OGDHL: variants seen among roughly 807,000 people sequenced by gnomAD.
OGDHL encodes the protein 2-oxoglutarate dehydrogenase-like, mitochondrial.
In OGDHL, 79 loss-of-function variants were observed where a neutral mutation model predicts 109.6. That is an observed-to-expected ratio of 0.72 (90% CI 0.60 to 0.87). The LOEUF (loss-of-function observed/expected upper bound fraction) is 0.87. Ranked by LOEUF, OGDHL falls within the 40% of genes least tolerant of loss-of-function variation. OGDHL has a pLI of 0.00. For synonymous variants in OGDHL, 528 were observed against 537.2 expected, an observed-to-expected ratio of 0.98 and a Z score of 0.24; for missense variants, 1,275 against 1,362.2, an observed-to-expected ratio of 0.94 and a Z score of 1.01.
intron 5 of OGDHL, 35 bp downstream of exon 5, chr10:49,752,098 C>T (rs1171375403): frequency 6.2e-7 from 1 of 1,610,464 alleles, no homozygotes; most frequent in Non-Finnish European, 8.5e-7. Flanking sequence ...CAAAGAGCTG[C>T]TTCAGCTGCA....
In OGDHL at chr10:49,750,987, T is replaced by C. The variant is rs1181109638; in HGVS notation, c.750-2A>G. On this transcript the variant is annotated splice_acceptor_variant, in intron 6 of 22. Coordinates refer to ENST00000374103, the MANE Select transcript of OGDHL (RefSeq NM_018245.3). LOFTEE classifies it high-confidence loss of function. Reference sequence around the variant, plus strand: ...TTCCGGGCCAGGAAGTCTTCAAACCTGCTTGGGGAGAGGATGGGAAGAGGA... The same window carrying C: ...TTCCGGGCCAGGAAGTCTTCAAACCCGCTTGGGGAGAGGATGGGAAGAGGA... 6.3e-7 allele frequency: 1 copy of C among 1,596,046 alleles called. No individual in the cohort carries two copies. The highest frequency in any genetic ancestry group is 8.6e-7 in the Non-Finnish European group (1 of 1,167,788).
chr10:49,754,961 C>T (rs902795284), intron 3 of OGDHL, among the ~76,000 whole-genome samples: 3 of 152,200 alleles, frequency 2.0e-5, no homozygotes, highest in Non-Finnish European at 4.4e-5. Context: ...AAAGAAAGCA[C>T]AGGCTGGGTG....
chr10:49,758,569 C>A lies in OGDHL; in HGVS notation c.24G>T (p.Pro8=). The A allele has an allele frequency of 1.2e-6, 2 of 1,613,830 alleles. No homozygotes were observed. The highest frequency in any genetic ancestry group is 2.2e-5 in the South Asian group (2 of 91,088). Residue 8 remains proline, a synonymous_variant, in exon 2 of 23, where the codon CCG becomes CCT. Transcript: ENST00000374103. ...TCGCAGCCTGTACCCCAAGACGGGA[C>A]GGCAGCAGCCTCAGCTGACTCATTC... MSQLRLL[P]SRLGVQAARL...
chr10:49,740,851 G>A lies in OGDHL; in HGVS notation c.2013-14C>T. ...TGGTGCCGGTGACTGCAGAGACACA[G>A]ACCGGGGCAGGGACAGAGGGCAGGT... On this transcript the variant is annotated splice_polypyrimidine_tract_variant and intron_variant, in intron 15 of 22. Transcript: ENST00000374103. 1 of 1,613,558 alleles carries A rather than the reference G, an allele frequency of 6.2e-7. No individual in the cohort carries two copies.
At chr10:49,753,261 AT>A (rs1255257331) in intron 3 of OGDHL, among the ~76,000 whole-genome samples, 1 of 152,214 alleles carries the variant, frequency 6.6e-6, no homozygotes, top group African/African-American at 2.4e-5. Context: ...AGAAGGGAAA[AT>A]CATAAAATTT....
chr10:49,743,894 G>T, intron 14 of OGDHL, 100 bp downstream of exon 14: 1 of 1,443,062 alleles, frequency 6.9e-7, no homozygotes, highest in Non-Finnish European at 9.4e-7. Context: ...GAGCAGGAAT[G>T]CGACACACCA....
At chr10:49,743,707 G>A in intron 14 of OGDHL, 1 of 279,624 alleles carries the variant, frequency 3.6e-6, no homozygotes, top group Non-Finnish European at 6.8e-6. Flanking sequence ...GCCTGACCCA[G>A]GGACGCCCCG....
chr10:49,758,150 GC>G (rs1843027377), intron 2 of OGDHL, among the ~76,000 whole-genome samples: 1 of 152,354 alleles, frequency 6.6e-6, no homozygotes, highest in South Asian at 2.1e-4. Context: ...AGGGGGCACG[GC>G]AGGGCTCAGG....
Position 49,752,186 on chromosome 10 carries a change from T to A in OGDHL, c.541A>T (p.Ile181Phe), listed in dbSNP as rs201458076. The A allele has an allele frequency of 7.6e-5, 122 of 1,613,916 alleles. No individual in the cohort carries two copies. The highest frequency in any genetic ancestry group is 9.8e-5 in the Non-Finnish European group (116 of 1,180,016). The change falls in exon 5 of 23, where the codon ATT (isoleucine) becomes TTT (phenylalanine). Residue 181 changes from isoleucine to phenylalanine, a missense_variant. Physicochemically the swap from Ile to Phe is conservative, Grantham distance 21. Coordinates refer to ENST00000374103, the MANE Select transcript of OGDHL (RefSeq NM_018245.3). ...GAGAGGGTGTTTTCAGAGCCCCCAA[T>A]GAAGGTGGTTGTCGGCAGCTGGAAC... The part of the protein sequence containing the change: ...KEFQLPTTTF[I>F]GGSENTLSLR...
At chr10:49,741,492 G>T (rs1029567775) in intron 15 of OGDHL, among the ~76,000 whole-genome samples, 1 of 152,188 alleles carries the variant, frequency 6.6e-6, no homozygotes, top group East Asian at 1.9e-4. Flanking sequence ...TGCTAACCAG[G>T]AGCGGACTGA....
At position 49,746,865 on chromosome 10, in the gene OGDHL, A is replaced by G; in HGVS notation, c.1181T>C (p.Leu394Pro). Reference protein sequence around the residue: ...DAQGKKVMSILVHGDAAFAGQ... With the variant: ...DAQGKKVMSIPVHGDAAFAGQ... ...AGCAAAGGCGGCGTCCCCATGAACC[A>G]GGATGGACATGACCTGCAGGGCAGG... is the stretch of plus-strand genomic sequence containing the variant. The change falls in exon 10 of 23, where the codon CTG becomes CCG. Residue 394 changes from leucine (L) to proline (P), a missense_variant. Physicochemically the swap from Leu to Pro is moderately conservative, Grantham distance 98 (BLOSUM62 -3). Coordinates refer to ENST00000374103, the MANE Select transcript of OGDHL (RefSeq NM_018245.3). The G allele has an allele frequency of 6.2e-7, 1 of 1,614,180 alleles. No individual in the cohort carries two copies. The highest frequency in any genetic ancestry group is 1.1e-5 in the South Asian group (1 of 91,084).
intron 18 of OGDHL, 49 bp from the exon 19 acceptor site, chr10:49,738,121 C>T (rs1841352019): frequency 1.2e-6 from 2 of 1,613,970 alleles, no homozygotes; most frequent in Non-Finnish European, 1.7e-6. Context: ...GCTGCACCCA[C>T]ACCCTGGACC....
At chr10:49,753,888 TAAAA>T (rs63200161) in intron 3 of OGDHL, among the ~76,000 whole-genome samples, 1,763 of 87,258 alleles carry the variant, frequency 0.02, 35 homozygotes, top group African/African-American at 0.066. Flanking sequence ...AAACTCCATC[TAAAA>T]AAAAAAAAAA....
At position 49,736,548 on chromosome 10, in the gene OGDHL, G is replaced by A. The variant is rs1439705882; in HGVS notation, c.2591-28C>T. ...GAGGGACCAACAGGACATGGCAGAG[G>A]CGTTGGTACCCAGAGGGGCTGGGGC... On this transcript the variant is annotated intron_variant, in intron 20 of 22. Transcript: ENST00000374103. 2.5e-6 allele frequency: 4 copies of A among 1,607,232 alleles called. No homozygotes were observed. The African/African-American group carries it at 4.0e-5, about 16-fold the overall frequency.
At chr10:49,736,255 GC>G in intron 21 of OGDHL, 78 bp from the exon 22 acceptor site, 1 of 1,576,144 alleles carries the variant, frequency 6.3e-7, no homozygotes, top group Non-Finnish European at 8.6e-7. Context: ...GAGGCACAGG[GC>G]CTCACCGGCC....
intron 2 of OGDHL, 24 bp from the exon 3 acceptor site, chr10:49,756,970 G>T: frequency 6.2e-7 from 1 of 1,604,016 alleles, no homozygotes; most frequent in South Asian, 1.1e-5. Flanking sequence ...AAACAAGAAC[G>T]CAGCCAGGTC....
chr10:49,736,624 A>C, intron 20 of OGDHL, 104 bp from the exon 21 acceptor site: 2 of 1,288,644 alleles, frequency 1.6e-6, no homozygotes, highest in Non-Finnish European at 2.1e-6. Flanking sequence ...ACTGACACTA[A>C]CTGCAGGTTT....
At chr10:49,743,098 G>A in intron 14 of OGDHL, 120 bp from the exon 15 acceptor site, 2 of 1,313,776 alleles carry the variant, frequency 1.5e-6, no homozygotes, top group Non-Finnish European at 2.1e-6. Context: ...TGGTTGGAGG[G>A]CAGGGATGCT....
At chr10:49,743,389 A>C (rs1841938208) in intron 14 of OGDHL, among the ~76,000 whole-genome samples, 1 of 113,420 alleles carries the variant, frequency 8.8e-6, no homozygotes, top group Non-Finnish European at 2.1e-5. Flanking sequence ...GCCCCAGGAC[A>C]TTCGGTCTCG....
Sources: gnomAD v4.1 joint callset for allele counts (sites outside exome capture counted in the v4.1 genomes callset) on GRCh38, gnomAD v4.1.1 for gene constraint, MANE v1.5 for transcripts, NCBI Gene and HGNC (gene_info 2026-07-23, HGNC 2026-07-21) for gene names.